Variants in CACNA1C observed in about 807,000 individuals in gnomAD.
CACNA1C encodes voltage-dependent L-type calcium channel subunit alpha-1C.
CACNA1C carries 30 observed loss-of-function variants against 229.0 expected under a neutral mutation model. The observed-to-expected ratio is 0.13, with a 90% confidence interval of 0.10 to 0.18. The LOEUF is 0.18. Among genes scored for constraint, CACNA1C ranks in the 10% least tolerant of loss-of-function variants. CACNA1C has a pLI of 1.00. For missense variants in CACNA1C, 1,658 were observed against 2,845.0 expected (o/e 0.58, Z 9.49); for synonymous variants, 1,114 against 1,132.5 (o/e 0.98, Z 0.33).
intron 9 of CACNA1C, among the ~76,000 whole-genome samples, chr12:2,526,715 G>A (rs549557069): frequency 1.3e-5 from 2 of 152,202 alleles, no homozygotes; most frequent in Non-Finnish European, 2.9e-5. Flanking sequence ...AATGGTCTCC[G>A]GTGAAGGTAG....
At chr12:2,496,070 A>G (rs1201606436) in intron 7 of CACNA1C, among the ~76,000 whole-genome samples, 1 of 152,218 alleles carries the variant, frequency 6.6e-6, no homozygotes, top group African/African-American at 2.4e-5. Context: ...TCAAACATAG[A>G]GCTTTGTAAA....
chr12:2,131,556 T>TA (rs1555213502), intron 3 of CACNA1C, among the ~76,000 whole-genome samples: 1 of 110,182 alleles, frequency 9.1e-6, no homozygotes, highest in Non-Finnish European at 1.8e-5. Context: ...ATTTATTAAA[T>TA]AGGGAATCCT....
At chr12:2,523,356 C>A (rs1048371068) in intron 9 of CACNA1C, among the ~76,000 whole-genome samples, 1 of 152,182 alleles carries the variant, frequency 6.6e-6, no homozygotes, top group Admixed American at 6.5e-5. Context: ...ATTCCGTGAC[C>A]TATCCGATTT....
At chr12:2,634,833 G>A (rs2092196974) in intron 30 of CACNA1C, among the ~76,000 whole-genome samples, 1 of 152,078 alleles carries the variant, frequency 6.6e-6, no homozygotes, top group Non-Finnish European at 1.5e-5. Flanking sequence ...ATCTCAGAAG[G>A]GAGCTCTCTC....
At chr12:2,471,046 G>A (rs184501479) in intron 5 of CACNA1C, among the ~76,000 whole-genome samples, 2 of 152,314 alleles carry the variant, frequency 1.3e-5, no homozygotes, top group Admixed American at 1.3e-4. Flanking sequence ...TGGCCAGGCA[G>A]GTCTTGAATT....
chr12:2,606,326 C>A (rs894637368), intron 24 of CACNA1C, among the ~76,000 whole-genome samples: 1 of 152,002 alleles, frequency 6.6e-6, no homozygotes, highest in African/African-American at 2.4e-5. Context: ...CTAATTCATC[C>A]CTCTGAGCCC....
intron 3 of CACNA1C, among the ~76,000 whole-genome samples, chr12:2,438,893 A>G (rs1352156435): frequency 1.3e-5 from 2 of 152,228 alleles, no homozygotes; most frequent in South Asian, 2.1e-4. Context: ...GAAGGTGGGC[A>G]GTTAGTAGAG....
At chr12:2,576,340 C>T (rs745995114) in intron 13 of CACNA1C, among the ~76,000 whole-genome samples, 21 of 152,146 alleles carry the variant, frequency 1.4e-4, no homozygotes, top group Admixed American at 1.0e-3. Context: ...AGCTGGACAC[C>T]GGCACCCGGG....
intron 29 of CACNA1C, chr12:2,613,429 C>G (rs1178027430): frequency 6.6e-6 from 1 of 152,152 alleles, no homozygotes; most frequent in African/African-American, 2.4e-5. Context: ...GTCAAGTGTT[C>G]TGCGGGTATT....
intron 1 of CACNA1C, among the ~76,000 whole-genome samples, chr12:2,092,188 G>A (rs142151990): frequency 9.4e-4 from 143 of 152,310 alleles, no homozygotes; most frequent in African/African-American, 3.3e-3. Flanking sequence ...TGAAGGGCGC[G>A]AAGGCACTGC....
intron 3 of CACNA1C, among the ~76,000 whole-genome samples, chr12:2,154,194 C>A (rs1023320475): frequency 2.6e-5 from 4 of 152,206 alleles, no homozygotes; most frequent in African/African-American, 9.7e-5. Flanking sequence ...AGTCATCTTC[C>A]CCCAGTGACA....
At chr12:2,045,625 T>C (rs1420330177) in intron 1 of CACNA1C, among the ~76,000 whole-genome samples, 1 of 152,180 alleles carries the variant, frequency 6.6e-6, no homozygotes, top group Admixed American at 6.5e-5. Context: ...CAATAACTTC[T>C]GTATTATAAG....
intron 1 of CACNA1C, among the ~76,000 whole-genome samples, chr12:2,024,675 T>C (rs1345142859): frequency 6.6e-6 from 1 of 152,376 alleles, no homozygotes; most frequent in East Asian, 1.9e-4. Flanking sequence ...GAGTGGATAC[T>C]GGCAGACAAG....
At chr12:2,583,275 TG>T (rs1443830226) in intron 15 of CACNA1C, among the ~76,000 whole-genome samples, 1 of 152,202 alleles carries the variant, frequency 6.6e-6, no homozygotes, top group African/African-American at 2.4e-5. Flanking sequence ...CCGGCTGCCC[TG>T]GGGCCGCGGC....
chr12:2,143,398 T>C (rs950411644), intron 3 of CACNA1C, among the ~76,000 whole-genome samples: 1 of 151,188 alleles, frequency 6.6e-6, no homozygotes, highest in Non-Finnish European at 1.5e-5. Flanking sequence ...CAGAGCAACT[T>C]TCAGTCCTGC....
intron 1 of CACNA1C, among the ~76,000 whole-genome samples, chr12:1,981,132 T>C (rs1417279980): frequency 6.6e-6 from 1 of 152,172 alleles, no homozygotes; most frequent in East Asian, 1.9e-4. Flanking sequence ...CAATCACCTC[T>C]AGGAACTTGT....
intron 3 of CACNA1C, among the ~76,000 whole-genome samples, chr12:2,135,565 T>C (rs60540047): frequency 0.071 from 8,825 of 124,820 alleles, 1,199 homozygotes; most frequent in Non-Finnish European, 0.079. Context: ...AGTACCCTGC[T>C]GTGAGAGGTG....
chr12:2,089,315 A>G (rs2154072698), intron 1 of CACNA1C, among the ~76,000 whole-genome samples: 1 of 152,330 alleles, frequency 6.6e-6, no homozygotes, highest in East Asian at 1.9e-4. Flanking sequence ...CCTTTGGAAG[A>G]AAAGGATTAA....
intron 1 of CACNA1C, among the ~76,000 whole-genome samples, chr12:2,090,403 G>C (rs1249227304): frequency 7.5e-6 from 1 of 132,940 alleles, no homozygotes; most frequent in Admixed American, 9.5e-5. Flanking sequence ...CTGCAACCTC[G>C]GTCTCCCAGG....
Sources: allele counts gnomAD v4.1 joint callset (sites outside exome capture counted in the v4.1 genomes callset), GRCh38; gene constraint gnomAD v4.1.1; transcripts MANE v1.5; gene names NCBI Gene and HGNC (gene_info 2026-07-23, HGNC 2026-07-21).